SIRT2: variants seen among roughly 807,000 people sequenced by gnomAD.
The protein encoded by SIRT2 is sirtuin 2.
In SIRT2, 40 loss-of-function variants were observed where a neutral mutation model predicts 57.4. That is an observed-to-expected ratio of 0.70 (90% CI 0.54 to 0.91). SIRT2 has a LOEUF of 0.91. SIRT2 is among the 40% of genes least tolerant of loss of function. SIRT2 has a pLI of 0.00. For synonymous variants in SIRT2, 161 were observed against 195.7 expected, an observed-to-expected ratio of 0.82 and a Z score of 1.48; for missense variants, 439 against 510.4, an observed-to-expected ratio of 0.86 and a Z score of 1.35.
At position 38,893,417 on chromosome 19, in the gene SIRT2, G is replaced by A. The variant is rs201405136; in HGVS notation, c.223C>T (p.Arg75Cys). 3.5e-5 allele frequency: 57 copies of A among 1,608,262 alleles called. No homozygotes were observed. The African/African-American group carries it at 4.3e-4, about 12-fold the overall frequency. Residue 75 changes from arginine (R) to cysteine (C), a missense_variant, in exon 4 of 16, where the codon CGC (arginine) becomes TGC (cysteine). Transcript: ENST00000249396. ...EGVARYMQSE[R>C]CRRVICLVGA... ...CCAATCCTGACAGGGGACTCACAGC[G>A]TTCGCTCTGCATGTACCGGGCCACC...
At chr19:38,881,198 G>A (rs765071183) in intron 10 of SIRT2, 43 bp from the exon 11 acceptor site, 3 of 1,588,254 alleles carry the variant, frequency 1.9e-6, no homozygotes, top group Non-Finnish European at 2.6e-6. Flanking sequence ...GTGACATGGG[G>A]AGGCAGAGAG....
At chr19:38,891,723 C>T (rs1973543943) in intron 4 of SIRT2, 1 of 371,804 alleles carries the variant, frequency 2.7e-6, no homozygotes, top group Non-Finnish European at 5.6e-6. Flanking sequence ...GCCTGAACCA[C>T]CACTCCCGGC....
intron 1 of SIRT2, 30 bp from the exon 2 acceptor site, chr19:38,898,455 TG>T: frequency 2.1e-6 from 3 of 1,448,902 alleles, no homozygotes; most frequent in African/African-American, 2.9e-5. Context: ...GTGGTTACAG[TG>T]GGGAGAACGA....
chr19:38,893,835 A>T lies in SIRT2; in HGVS notation c.96T>A (p.Ala32=), dbSNP rs1973627408. Residue 32 remains alanine (A), a synonymous_variant, in exon 3 of 16, where the codon GCT becomes GCA. Coordinates refer to ENST00000249396, the MANE Select transcript of SIRT2 (RefSeq NM_012237.4). ...GATACTCACTGTCTGCTTCTCCACCAGCGGCTCCTCCCTCAGAGTCTGAAT... is the reference window on the plus strand; with the variant it reads ...GATACTCACTGTCTGCTTCTCCACCTGCGGCTCCTCCCTCAGAGTCTGAAT... ...DSDSDSEGGA[A]GGEADMDFLR... 1 of 1,613,566 alleles carries T rather than the reference A, an allele frequency of 6.2e-7. No individual in the cohort carries two copies. The highest frequency in any genetic ancestry group is 8.5e-7 in the Non-Finnish European group (1 of 1,179,848).
intron 2 of SIRT2, among the ~76,000 whole-genome samples, chr19:38,895,629 AT>A (rs1973691719): frequency 6.6e-6 from 1 of 152,204 alleles, no homozygotes; most frequent in South Asian, 2.1e-4. Flanking sequence ...AATTTAAAAA[AT>A]TGCTTTTTAA....
At chr19:38,889,253 C>T in intron 7 of SIRT2, 98 bp from the exon 8 acceptor site, 1 of 1,162,230 alleles carries the variant, frequency 8.6e-7, no homozygotes, top group South Asian at 1.2e-5. Context: ...GACTGTTTTA[C>T]CCCCAGGGAA....
At chr19:38,881,652 G>T (rs989589319) in intron 9 of SIRT2, among the ~76,000 whole-genome samples, 161 bp from the exon 10 acceptor site, 1 of 151,840 alleles carries the variant, frequency 6.6e-6, no homozygotes, top group African/African-American at 2.4e-5. Flanking sequence ...GCTCAGAAAA[G>T]ACCTCTCTTC....
At chr19:38,884,779 C>A (rs991574408) in intron 8 of SIRT2, among the ~76,000 whole-genome samples, 1 of 152,092 alleles carries the variant, frequency 6.6e-6, no homozygotes, top group African/African-American at 2.4e-5. Context: ...CAAGGTCTCA[C>A]TCTGTCGCCC....
At chr19:38,892,083 C>G (rs1973557167) in intron 4 of SIRT2, 1 of 357,030 alleles carries the variant, frequency 2.8e-6, no homozygotes, top group Non-Finnish European at 5.8e-6. Flanking sequence ...ACTTTGGTGA[C>G]CTCAACTTGT....
At chr19:38,896,453 A>G (rs1204981171) in intron 2 of SIRT2, among the ~76,000 whole-genome samples, 1 of 152,160 alleles carries the variant, frequency 6.6e-6, no homozygotes, top group Non-Finnish European at 1.5e-5. Context: ...TCCTGGGCTC[A>G]AGTGATCCCC....
At chr19:38,898,229 TC>T (rs1973790523) in intron 2 of SIRT2, 149 bp downstream of exon 2, 1 of 470,856 alleles carries the variant, frequency 2.1e-6, no homozygotes, top group East Asian at 3.5e-5. Flanking sequence ...AATCTGCCTT[TC>T]CCCAGAAAGC....
chr19:38,881,083 G>GC lies in SIRT2; in HGVS notation c.747+16dup. 1.2e-6 allele frequency: 2 copies of GC among 1,612,170 alleles called. No homozygotes were observed. Among genetic ancestry groups the GC allele is most frequent in the African/African-American group, 2.7e-5 (2 of 75,034 alleles). On this transcript the variant is annotated intron_variant, in intron 11 of 15. Coordinates refer to ENST00000249396, the MANE Select transcript of SIRT2 (RefSeq NM_012237.4). ...AGGCGGCGGTTGGGGATGCGGGGAG[G>GC]CTGGGGGGCCACTTACTGACTGCAT...
intron 8 of SIRT2, among the ~76,000 whole-genome samples, chr19:38,885,479 A>G (rs1377199072): frequency 6.7e-6 from 1 of 148,832 alleles, no homozygotes; most frequent in Non-Finnish European, 1.5e-5. Flanking sequence ...AGGCTGGAGT[A>G]CAATGGCGCT....
chr19:38,889,537 G>A lies in SIRT2; in HGVS notation c.432+152C>T, dbSNP rs1055415369. 4.4e-5 allele frequency: 36 copies of A among 815,480 alleles called. No homozygotes were observed. In the Admixed American group the frequency reaches 7.6e-4, roughly 17 times the overall value. 50.5% of individuals were successfully genotyped at this position (815,480 alleles called of 1,614,324 possible). On this transcript the variant is annotated intron_variant, in intron 7 of 15. Coordinates refer to ENST00000249396, the MANE Select transcript of SIRT2 (RefSeq NM_012237.4). ...GCTCAAGGTCGTAAGATGAAGACAC[G>A]AGGAACCAGGACTTGAACCGAGGCA...
In SIRT2 at chr19:38,889,795, T is replaced by G. The variant is rs554192730; in HGVS notation, c.376-50A>C. On this transcript the variant is annotated intron_variant, in intron 6 of 15. Coordinates refer to ENST00000249396, the MANE Select transcript of SIRT2 (RefSeq NM_012237.4). ...CAGATGCCCCAGGTAGCGTGAGGGT[T>G]GGAGCCAGGTGACCCCATCCCCACC... The G allele has an allele frequency of 4.3e-6, 7 of 1,613,842 alleles. No individual in the cohort carries two copies. In the East Asian group the frequency reaches 1.3e-4, roughly 31 times the overall value.
At chr19:38,896,509 G>GGCCT (rs1390214147) in intron 2 of SIRT2, among the ~76,000 whole-genome samples, 1 of 152,028 alleles carries the variant, frequency 6.6e-6, no homozygotes, top group Non-Finnish European at 1.5e-5. Context: ...CACCGTGCCC[G>GGCCT]GCCTCACCTC....
chr19:38,887,513 A>C (rs1051481519), intron 8 of SIRT2, among the ~76,000 whole-genome samples: 2 of 151,778 alleles, frequency 1.3e-5, no homozygotes, highest in Non-Finnish European at 2.9e-5. Context: ...GCGATCTCCC[A>C]CTTTGGCCTC....
intron 5 of SIRT2, 21 bp from the exon 6 acceptor site, chr19:38,889,982 A>G (rs1600120449): frequency 6.2e-7 from 1 of 1,612,322 alleles, no homozygotes; most frequent in South Asian, 1.1e-5. Context: ...GGGGTCAGGG[A>G]GCAGTTGGTC....
At chr19:38,890,227 G>C in intron 4 of SIRT2, 83 bp from the exon 5 acceptor site, 1 of 1,420,334 alleles carries the variant, frequency 7.0e-7, no homozygotes, top group Non-Finnish European at 9.9e-7. Context: ...CCCTGACATC[G>C]TTTACTCCAT....
Sources: allele counts gnomAD v4.1 joint callset (sites outside exome capture counted in the v4.1 genomes callset), GRCh38; gene constraint gnomAD v4.1.1; transcripts MANE v1.5; gene names NCBI Gene and HGNC (gene_info 2026-07-23, HGNC 2026-07-21).